Variants in ABTB2 observed in about 807,000 individuals in gnomAD.
The protein encoded by ABTB2 is ankyrin repeat and BTB domain containing 2.
Under a neutral mutation model 104.1 loss-of-function variants are expected in ABTB2, and 56 were observed. The observed-to-expected ratio is 0.54, with a 90% confidence interval of 0.43 to 0.67. The LOEUF is 0.67. Among genes scored for constraint, ABTB2 ranks in the 30% least tolerant of loss-of-function variants. The pLI is 0.00. For synonymous variants in ABTB2, 606 were observed against 608.2 expected (o/e 1.00, Z 0.05); for missense variants, 1,279 against 1,407.7 (o/e 0.91, Z 1.46).
intron 1 of ABTB2, among the ~76,000 whole-genome samples, chr11:34,249,913 G>C (rs1854034728): frequency 1.3e-5 from 2 of 152,222 alleles, no homozygotes; most frequent in South Asian, 4.1e-4. Context: ...TGTGAAATGA[G>C]ACCTTGCTGG....
At chr11:34,293,904 T>C (rs1225914956) in intron 1 of ABTB2, among the ~76,000 whole-genome samples, 1 of 152,180 alleles carries the variant, frequency 6.6e-6, no homozygotes, top group Non-Finnish European at 1.5e-5. Context: ...TTTTGTATTT[T>C]TAATAGAGAC....
At chr11:34,343,443 TA>T (rs1855287381) in intron 1 of ABTB2, among the ~76,000 whole-genome samples, 1 of 144,830 alleles carries the variant, frequency 6.9e-6, no homozygotes, top group African/African-American at 2.7e-5. Context: ...GGTAGGGCCT[TA>T]AGACAGACAG....
chr11:34,354,420 T>A (rs1564940061), intron 1 of ABTB2, among the ~76,000 whole-genome samples: 1 of 134,312 alleles, frequency 7.4e-6, no homozygotes, highest in Non-Finnish European at 1.5e-5. Context: ...GCCCAGGAGT[T>A]TGAAACCAGC....
At chr11:34,348,461 A>T (rs1367732599) in intron 1 of ABTB2, among the ~76,000 whole-genome samples, 1 of 152,104 alleles carries the variant, frequency 6.6e-6, no homozygotes. Flanking sequence ...GTTCTCCAAC[A>T]CATATGCGTT....
intron 5 of ABTB2, among the ~76,000 whole-genome samples, chr11:34,170,510 C>T (rs1852857895): frequency 6.6e-6 from 1 of 152,194 alleles, no homozygotes; most frequent in African/African-American, 2.4e-5. Flanking sequence ...GTCTCCTGCA[C>T]TAAAATGGTA....
At chr11:34,218,550 G>A (rs1249172619) in intron 1 of ABTB2, among the ~76,000 whole-genome samples, 1 of 152,076 alleles carries the variant, frequency 6.6e-6, no homozygotes, top group Non-Finnish European at 1.5e-5. Flanking sequence ...AGCACCATTT[G>A]TTAAAAAGGC....
intron 1 of ABTB2, among the ~76,000 whole-genome samples, chr11:34,334,917 G>T (rs1211532989): frequency 1.3e-5 from 2 of 152,098 alleles, no homozygotes; most frequent in Admixed American, 6.5e-5. Context: ...CAATGTGGGT[G>T]TGCTCAACAT....
intron 8 of ABTB2, 87 bp from the exon 9 acceptor site, chr11:34,164,908 TC>T: frequency 6.7e-7 from 1 of 1,485,090 alleles, no homozygotes; most frequent in Non-Finnish European, 9.0e-7. Context: ...AGCAGGATTC[TC>T]GCAGCTCTGA....
At position 34,245,933 on chromosome 11, in the gene ABTB2, G is replaced by A. The variant is rs1376939215; in HGVS notation, c.884-41243C>T. Among the ~76,000 whole-genome samples the A allele has an allele frequency of 3.9e-5, 6 of 152,174 alleles. No individual in the cohort carries two copies. In the South Asian group the frequency reaches 1.0e-3, roughly 26 times the overall value. On this transcript the variant is annotated intron_variant, in intron 1 of 16. Transcript: ENST00000435224. ...ACCCAGGCCTTGAAGCTGCAGCCAC[G>A]GAAACACATGGGCCCCAGCAGGGGA...
intron 1 of ABTB2, among the ~76,000 whole-genome samples, chr11:34,352,435 C>G (rs1855410212): frequency 6.6e-6 from 1 of 152,148 alleles, no homozygotes; most frequent in Non-Finnish European, 1.5e-5. Context: ...CACTCATTAC[C>G]AAGAGAAAAT....
intron 1 of ABTB2, among the ~76,000 whole-genome samples, chr11:34,208,853 GCCA>G (rs2133042955): frequency 6.6e-6 from 1 of 151,822 alleles, no homozygotes; most frequent in South Asian, 2.1e-4. Context: ...ATCCTTCACT[GCCA>G]CCACCCCAGT....
rs201805676 is a variant in ABTB2, at chr11:34,160,001, G to T, written c.2511C>A (p.His837Gln). The change falls in exon 13 of 17, where the codon CAC (histidine) becomes CAA (glutamine). Residue 837 changes from histidine to glutamine, a missense_variant. Transcript: ENST00000435224. ...RKTLPARLDPHFLNNKEMSDV... is the reference protein window; with the variant it reads ...RKTLPARLDPQFLNNKEMSDV... The stretch of plus-strand genomic sequence containing the variant: ...CTGACATCTCCTTATTGTTCAAAAA[G>T]TGTGGATCTGTGAAAAGCGGGGAGA... The T allele has an allele frequency of 4.3e-6, 7 of 1,612,602 alleles. No homozygotes were observed. The highest frequency in any genetic ancestry group is 5.9e-6 in the Non-Finnish European group (7 of 1,179,058).
chr11:34,328,942 A>T (rs891518783), intron 1 of ABTB2, among the ~76,000 whole-genome samples: 1 of 152,248 alleles, frequency 6.6e-6, no homozygotes, highest in Non-Finnish European at 1.5e-5. Context: ...TAGACCAAAC[A>T]GTTGAACTAA....
intron 1 of ABTB2, among the ~76,000 whole-genome samples, chr11:34,238,485 G>T (rs1388039463): frequency 1.3e-5 from 2 of 152,098 alleles, no homozygotes; most frequent in Non-Finnish European, 2.9e-5. Context: ...ACAGTACCTG[G>T]GATACAGTAG....
intron 5 of ABTB2, among the ~76,000 whole-genome samples, chr11:34,168,386 TG>T (rs1341851696): frequency 1.3e-5 from 2 of 152,206 alleles, no homozygotes; most frequent in African/African-American, 4.8e-5. Context: ...TGGATTAATA[TG>T]TATAAAGTGC....
At chr11:34,158,148 C>T (rs1852654782) in intron 14 of ABTB2, among the ~76,000 whole-genome samples, 1 of 152,248 alleles carries the variant, frequency 6.6e-6, no homozygotes, top group Non-Finnish European at 1.5e-5. Flanking sequence ...GGCGCAGTGG[C>T]TCACGCCTGT....
chr11:34,173,178 C>T lies in ABTB2; in HGVS notation c.1374G>A (p.Leu458=). The change falls in exon 4 of 17, where the codon CTG becomes CTA. Residue 458 remains leucine, a synonymous_variant. Transcript: ENST00000435224. The part of the protein sequence containing the change: ...RQAARLLLPG[L]DCEPRQLKPE... ...ACTTGAGCTGCCGAGGTTCACAGTC[C>T]AGACCAGGCAGCAGCAGCCGGGCTG... 4 of 1,613,818 alleles carry T rather than the reference C, an allele frequency of 2.5e-6. No individual in the cohort carries two copies. The highest frequency in any genetic ancestry group is 3.4e-6 in the Non-Finnish European group (4 of 1,179,930).
intron 2 of ABTB2, among the ~76,000 whole-genome samples, chr11:34,202,089 C>A (rs78050807): frequency 0.012 from 1,815 of 152,292 alleles, 22 homozygotes; most frequent in Non-Finnish European, 0.017. Context: ...AGGAAGCTGA[C>A]TCTTCTAGTC....
intron 1 of ABTB2, among the ~76,000 whole-genome samples, chr11:34,321,317 TG>T (rs1854999099): frequency 6.6e-6 from 1 of 152,226 alleles, no homozygotes. Flanking sequence ...CATGAGAGTG[TG>T]CCATATTCAA....
Sources: gnomAD v4.1 joint callset for allele counts (sites outside exome capture counted in the v4.1 genomes callset) on GRCh38, gnomAD v4.1.1 for gene constraint, MANE v1.5 for transcripts, NCBI Gene and HGNC (gene_info 2026-07-23, HGNC 2026-07-21) for gene names.